Variants in DAB1 observed in about 807,000 individuals in gnomAD.
DAB1 encodes disabled homolog 1.
In DAB1, 15 loss-of-function variants were observed where a neutral mutation model predicts 64.6. That is an observed-to-expected ratio of 0.23 (90% confidence interval 0.16 to 0.36). DAB1 has a LOEUF of 0.36. Ranked by LOEUF, DAB1 falls within the 10% of genes least tolerant of loss-of-function variation. The pLI, the probability that DAB1 is intolerant of heterozygous loss-of-function variation, is 1.00. For missense variants in DAB1, 596 were observed against 706.7 expected (o/e 0.84, Z 1.78); for synonymous variants, 235 against 251.9 (o/e 0.93, Z 0.64).
intron 6 of DAB1, among the ~76,000 whole-genome samples, chr1:57,710,620 T>C (rs576260424): frequency 6.6e-6 from 1 of 152,256 alleles, no homozygotes; most frequent in South Asian, 2.1e-4. Context: ...CATGGCTTTA[T>C]TGTCACTATT....
intron 5 of DAB1, among the ~76,000 whole-genome samples, chr1:57,962,681 G>A (rs1288127596): frequency 6.6e-6 from 1 of 151,980 alleles, no homozygotes; most frequent in Non-Finnish European, 1.5e-5. Context: ...AGACCGGCCT[G>A]GATAACATAA....
intron 6 of DAB1, among the ~76,000 whole-genome samples, chr1:57,688,602 A>G (rs1431709700): frequency 6.6e-6 from 1 of 152,202 alleles, no homozygotes; most frequent in Admixed American, 6.5e-5. Context: ...TATACCAAAA[A>G]GACACATATA....
chr1:57,101,070 C>T (rs1182795278), intron 4 of DAB1, among the ~76,000 whole-genome samples: 2 of 152,102 alleles, frequency 1.3e-5, no homozygotes, highest in Non-Finnish European at 1.5e-5. Context: ...GATGGTCTGA[C>T]CCCACAGCCC....
intron 2 of DAB1, among the ~76,000 whole-genome samples, chr1:57,251,864 T>C (rs921018215): frequency 6.6e-6 from 1 of 152,152 alleles, no homozygotes; most frequent in African/African-American, 2.4e-5. Context: ...AATGGGCACA[T>C]GGTGTGCTGA....
chr1:57,292,732 T>C (rs1187431890), intron 1 of DAB1, among the ~76,000 whole-genome samples: 1 of 152,154 alleles, frequency 6.6e-6, no homozygotes, highest in Non-Finnish European at 1.5e-5. Context: ...ACATTTACCA[T>C]GTAACCATGC....
intron 5 of DAB1, among the ~76,000 whole-genome samples, chr1:58,035,043 C>G (rs1647023870): frequency 6.6e-6 from 1 of 152,162 alleles, no homozygotes; most frequent in African/African-American, 2.4e-5. Context: ...TTTTTGCACT[C>G]TTGGGAGTTC....
At chr1:57,740,677 G>GT (rs1260158746) in intron 6 of DAB1, among the ~76,000 whole-genome samples, 23 of 152,150 alleles carry the variant, frequency 1.5e-4, no homozygotes, top group Non-Finnish European at 2.8e-4. Context: ...TTAAGTAAAT[G>GT]TATGTAAATA....
rs571462468 is a variant in DAB1, at chr1:57,121,684, G to A, written c.306+14859C>T. ...CTAGGTTTTCTTCTAGGGTTTTTAC[G>A]GTTTTGGATTTTACATTTAAGTCTT... is the stretch of plus-strand genomic sequence containing the variant. On this transcript the variant is annotated intron_variant, in intron 4 of 14. Coordinates refer to ENST00000371236, the MANE Select transcript of DAB1 (RefSeq NM_001365792.1). 3.9e-5 allele frequency among the ~76,000 whole-genome samples: 6 copies of A among 152,130 alleles called. No homozygotes were observed. In the East Asian group the frequency reaches 1.2e-3, roughly 30 times the overall value.
At chr1:57,822,966 A>C (rs893167497), downstream of DAB1, among the ~76,000 whole-genome samples, 1 of 149,828 alleles carries the variant, frequency 6.7e-6, no homozygotes, top group Non-Finnish European at 1.5e-5. Context: ...AGATAAAATG[A>C]AGAAAATAAT....
At chr1:57,476,766 C>T (rs1360574382) in intron 7 of DAB1, among the ~76,000 whole-genome samples, 1 of 152,106 alleles carries the variant, frequency 6.6e-6, no homozygotes, top group African/African-American at 2.4e-5. Context: ...TGCAGACTAG[C>T]TATGTGTCAG....
chr1:57,636,253 G>T (rs1217523840), intron 7 of DAB1, among the ~76,000 whole-genome samples: 9 of 152,110 alleles, frequency 5.9e-5, no homozygotes, highest in African/African-American at 2.2e-4. Context: ...AGGAAGAGAG[G>T]TCTCACCAGA....
At chr1:57,488,303 G>A (rs1218237822) in intron 7 of DAB1, among the ~76,000 whole-genome samples, 1 of 151,338 alleles carries the variant, frequency 6.6e-6, no homozygotes, top group African/African-American at 2.4e-5. Flanking sequence ...TCAGGAGGCT[G>A]AGGCAGAAGA....
At chr1:57,794,556 A>AT (rs1201001819) in intron 6 of DAB1, among the ~76,000 whole-genome samples, 1 of 152,112 alleles carries the variant, frequency 6.6e-6, no homozygotes, top group African/African-American at 2.4e-5. Context: ...GCCTTCTCTG[A>AT]TTCTTCTGGA....
At chr1:57,239,816 C>T (rs1668373904) in intron 2 of DAB1, among the ~76,000 whole-genome samples, 1 of 152,172 alleles carries the variant, frequency 6.6e-6, no homozygotes, top group African/African-American at 2.4e-5. Flanking sequence ...CTCTCAAAGA[C>T]TTTTACTATC....
intron 7 of DAB1, among the ~76,000 whole-genome samples, chr1:57,560,373 C>A (rs1188789104): frequency 6.6e-6 from 1 of 152,238 alleles, no homozygotes; most frequent in East Asian, 1.9e-4. Context: ...GAGACATTTG[C>A]ATGCCAGAGG....
chr1:58,296,197 G>GAAAGAA (rs775349938), intron 4 of DAB1, among the ~76,000 whole-genome samples: 1 of 43,626 alleles, frequency 2.3e-5, no homozygotes, highest in African/African-American at 1.1e-4. Context: ...GAAAGAAAGA[G>GAAAGAA]AAAGAAAGAA....
rs57638419 is a variant in DAB1 at position 57,798,596 on chromosome 1, T to C, written n.551+85403A>G. ...AATATTACATTCATGTGGTCTCACC[T>C]CTCTGTGCTGGAAAACGAGGCAACT... On this transcript the variant is annotated intron_variant and non_coding_transcript_variant, in intron 6 of 20. Transcript: ENST00000485760. 0.02 allele frequency among the ~76,000 whole-genome samples: 3,040 copies of C among 152,350 alleles called. 147 individuals are homozygous for C. In the East Asian group the frequency reaches 0.21, roughly 10 times the overall value.
chr1:58,172,410 A>G (rs1656225865), intron 4 of DAB1, among the ~76,000 whole-genome samples: 1 of 152,302 alleles, frequency 6.6e-6, no homozygotes, highest in South Asian at 2.1e-4. Context: ...AAAGGATCTC[A>G]CTGGACTACT....
At chr1:57,987,409 G>A (rs1484439024) in intron 5 of DAB1, among the ~76,000 whole-genome samples, 1 of 152,122 alleles carries the variant, frequency 6.6e-6, no homozygotes, top group African/African-American at 2.4e-5. Context: ...GGTAGTATTG[G>A]TTCCCTAGTT....
Sources: allele counts gnomAD v4.1 joint callset (sites outside exome capture counted in the v4.1 genomes callset), GRCh38; gene constraint gnomAD v4.1.1; transcripts MANE v1.5; gene names NCBI Gene and HGNC (gene_info 2026-07-23, HGNC 2026-07-21).